The following PCDH15 variants were observed in gnomAD, a reference collection of about 807,000 sequenced individuals.
The protein encoded by PCDH15 is protocadherin-15.
In PCDH15, 129 loss-of-function variants were observed where a neutral mutation model predicts 178.5. That is an observed-to-expected ratio of 0.72 (90% CI 0.63 to 0.84). PCDH15 has a LOEUF of 0.84. Among genes scored for constraint, PCDH15 ranks in the 40% least tolerant of loss-of-function variants. PCDH15 has a pLI of 0.00. For synonymous variants in PCDH15, 800 were observed against 732.0 expected (o/e 1.09, Z -1.50); for missense variants, 2,230 against 2,099.9 (o/e 1.06, Z -1.21).
chr10:54,363,872 A>T (rs1946418086), intron 5 of PCDH15, among the ~76,000 whole-genome samples: 1 of 146,972 alleles, frequency 6.8e-6, no homozygotes, highest in Admixed American at 6.6e-5. Flanking sequence ...GATTACTTTT[A>T]AAAATTTCAT....
chr10:55,029,481 C>G (rs1353703023), intron 2 of PCDH15, among the ~76,000 whole-genome samples: 1 of 151,916 alleles, frequency 6.6e-6, no homozygotes, highest in East Asian at 1.9e-4. Flanking sequence ...ACACTAGACT[C>G]AACACTTCTG....
intron 2 of PCDH15, among the ~76,000 whole-genome samples, chr10:54,560,449 T>C (rs564446739): frequency 2.0e-5 from 3 of 152,218 alleles, no homozygotes; most frequent in East Asian, 1.9e-4. Flanking sequence ...ATTTAGATTG[T>C]TTTTTGTCAC....
chr10:54,392,219 C>G (rs1950619149), intron 3 of PCDH15, among the ~76,000 whole-genome samples: 1 of 151,824 alleles, frequency 6.6e-6, no homozygotes, highest in African/African-American at 2.4e-5. Context: ...AATCACAACA[C>G]TTTGGGAGGC....
At chr10:55,391,743 C>T (rs181565673) in intron 2 of PCDH15, among the ~76,000 whole-genome samples, 1 of 152,272 alleles carries the variant, frequency 6.6e-6, no homozygotes, top group African/African-American at 2.4e-5. Flanking sequence ...TCCTCAGCCT[C>T]CCAAAGTGCT....
intron 13 of PCDH15, among the ~76,000 whole-genome samples, chr10:54,180,258 A>G (rs893149029): frequency 2.0e-5 from 3 of 152,236 alleles, no homozygotes; most frequent in Non-Finnish European, 4.4e-5. Flanking sequence ...AGACATATAT[A>G]AAGTCAGAAG....
chr10:54,461,385 T>C (rs147375418), intron 3 of PCDH15, among the ~76,000 whole-genome samples: 2 of 152,210 alleles, frequency 1.3e-5, no homozygotes, highest in Admixed American at 6.5e-5. Flanking sequence ...CACAAAAAAA[T>C]AGTGGTTGTG....
chr10:53,967,404 A>G (rs1409623977), intron 21 of PCDH15, among the ~76,000 whole-genome samples: 2 of 152,164 alleles, frequency 1.3e-5, no homozygotes, highest in Non-Finnish European at 1.5e-5. Context: ...ACATAGCTGG[A>G]ACTACAGGTG....
At chr10:54,779,432 A>ATC (rs796369320) in intron 1 of PCDH15, among the ~76,000 whole-genome samples, 2 of 105,380 alleles carry the variant, frequency 1.9e-5, no homozygotes, top group African/African-American at 3.2e-5. Flanking sequence ...ACACACACAT[A>ATC]TGTGTATATA....
chr10:53,869,779 GAA>G (rs992303654), intron 26 of PCDH15, among the ~76,000 whole-genome samples: 2 of 146,216 alleles, frequency 1.4e-5, no homozygotes, highest in Non-Finnish European at 3.0e-5. Flanking sequence ...CTTATCTCTT[GAA>G]AAAAAAAAAT....
chr10:55,369,553 C>T (rs1206736518), intron 2 of PCDH15, among the ~76,000 whole-genome samples: 1 of 151,924 alleles, frequency 6.6e-6, no homozygotes, highest in Non-Finnish European at 1.5e-5. Context: ...TTAAATGCAC[C>T]AGACTATACA....
intron 2 of PCDH15, chr10:55,512,959 C>A (rs1362507126): frequency 6.6e-6 from 1 of 152,062 alleles, no homozygotes; most frequent in African/African-American, 2.4e-5. Flanking sequence ...TTTACAGCAG[C>A]CTATTACCAA....
chr10:54,784,048 A>ACTC (rs3071777), intron 1 of PCDH15, among the ~76,000 whole-genome samples: 151,543 of 152,090 alleles, frequency 1, 75,502 homozygotes, highest in Middle Eastern at 1. Context: ...AGGGAGAAGA[A>ACTC]CTTATTACAC....
intron 7 of PCDH15, among the ~76,000 whole-genome samples, chr10:54,320,578 T>G (rs940294071): frequency 2.4e-5 from 2 of 83,236 alleles, no homozygotes; most frequent in East Asian, 4.1e-4. Flanking sequence ...ATGTGTATAT[T>G]TTAAATTTTA....
chr10:53,870,401 T>TA (rs1564647660), intron 26 of PCDH15, among the ~76,000 whole-genome samples: 1 of 151,910 alleles, frequency 6.6e-6, no homozygotes, highest in African/African-American at 2.4e-5. Context: ...CTACTGGAAT[T>TA]AAAAAAAATA....
chr10:53,806,630 C>G lies in PCDH15; in HGVS notation c.5172G>C (p.Glu1724Asp). 1.9e-6 allele frequency: 3 copies of G among 1,613,748 alleles called. No individual in the cohort carries two copies. Among genetic ancestry groups the G allele is most frequent in the Non-Finnish European group, 2.5e-6 (3 of 1,179,756 alleles). The change falls in exon 38 of 38, where the codon GAG becomes GAC. Residue 1724 changes from glutamate (E) to aspartate (D), a missense_variant. Transcript: ENST00000644397. ...GGTTGTTCCAGGGGCCCATCCAAAG[C>G]TCTTCATCATCAGACTGTGTGTGGT... ...HSDHTQSDDE[E>D]LWMGPWNNLH...
At chr10:55,017,364 T>C (rs1840208504) in intron 2 of PCDH15, among the ~76,000 whole-genome samples, 1 of 152,160 alleles carries the variant, frequency 6.6e-6, no homozygotes. Flanking sequence ...TGGGAGTGTA[T>C]TATGTGTGTA....
At chr10:54,725,552 TTA>T (rs35808465) in intron 1 of PCDH15, among the ~76,000 whole-genome samples, 17,440 of 114,842 alleles carry the variant, frequency 0.15, 1,596 homozygotes, top group East Asian at 0.27. Flanking sequence ...ATATATATAA[TTA>T]TATATATATA....
intron 2 of PCDH15, among the ~76,000 whole-genome samples, chr10:54,636,391 G>A (rs954288016): frequency 6.6e-6 from 1 of 151,920 alleles, no homozygotes; most frequent in Non-Finnish European, 1.5e-5. Context: ...CCAGACAAGA[G>A]CCAATCTTGT....
At chr10:54,522,696 A>T (rs760581926) in intron 3 of PCDH15, among the ~76,000 whole-genome samples, 8 of 152,154 alleles carry the variant, frequency 5.3e-5, no homozygotes, top group Non-Finnish European at 1.2e-4. Flanking sequence ...ATTCTCACAC[A>T]ATATAGAGTG....
Sources: allele counts gnomAD v4.1 joint callset (sites outside exome capture counted in the v4.1 genomes callset), GRCh38; gene constraint gnomAD v4.1.1; transcripts MANE v1.5; gene names NCBI Gene and HGNC (gene_info 2026-07-23, HGNC 2026-07-21).